PITPNC1: variants seen among roughly 807,000 people sequenced by gnomAD.
PITPNC1 encodes phosphatidylinositol transfer protein cytoplasmic 1, also known as cytoplasmic phosphatidylinositol transfer protein 1.
In PITPNC1, 18 loss-of-function variants were observed where a neutral mutation model predicts 44.7. That is an observed-to-expected ratio of 0.40 (90% CI 0.28 to 0.60). The LOEUF (loss-of-function observed/expected upper bound fraction) is 0.60, where lower values mean the gene tolerates loss of function less well. Ranked by LOEUF, PITPNC1 falls within the 20% of genes least tolerant of loss-of-function variation. The probability of loss-of-function intolerance (pLI) is 0.39; values close to 1 mark genes in which losing one functional copy is unlikely to be tolerated. For synonymous variants in PITPNC1, 141 were observed against 149.6 expected, an observed-to-expected ratio of 0.94 and a Z score of 0.42; for missense variants, 290 against 418.4, an observed-to-expected ratio of 0.69 and a Z score of 2.68.
intron 6 of PITPNC1, among the ~76,000 whole-genome samples, chr17:67,642,637 T>G (rs2144352587): frequency 6.6e-6 from 1 of 152,282 alleles, no homozygotes; most frequent in East Asian, 1.9e-4. Context: ...GTGTTCTTTT[T>G]CAGACCTCAT....
intron 6 of PITPNC1, among the ~76,000 whole-genome samples, chr17:67,664,940 C>T (rs2042401420): frequency 1.3e-5 from 2 of 151,044 alleles, no homozygotes; most frequent in Admixed American, 6.6e-5. Flanking sequence ...GACTTTGTTT[C>T]TTTGTATGCC....
At chr17:67,381,125 A>T in intron 1 of PITPNC1, among the ~76,000 whole-genome samples, 1 of 152,004 alleles carries the variant, frequency 6.6e-6, no homozygotes, top group South Asian at 2.1e-4. Flanking sequence ...CAGGAGATCG[A>T]GACCATCCTG....
intron 1 of PITPNC1, among the ~76,000 whole-genome samples, chr17:67,389,827 G>A (rs1372271416): frequency 1.3e-5 from 2 of 151,918 alleles, no homozygotes; most frequent in East Asian, 1.9e-4. Flanking sequence ...CTACAGGCAC[G>A]TGCCACCACG....
chr17:67,529,365 G>A (rs1012411035), intron 1 of PITPNC1, among the ~76,000 whole-genome samples: 2 of 152,160 alleles, frequency 1.3e-5, no homozygotes, highest in African/African-American at 4.8e-5. Context: ...GGTGGAAATA[G>A]CTCTTCTGCC....
chr17:67,627,069 G>A (rs1009469897), intron 5 of PITPNC1, among the ~76,000 whole-genome samples: 2 of 127,494 alleles, frequency 1.6e-5, no homozygotes, highest in Admixed American at 1.7e-4. Flanking sequence ...GGCCAATATG[G>A]TGGTAAAACC....
At chr17:67,639,177 C>G (rs2042066816) in intron 6 of PITPNC1, among the ~76,000 whole-genome samples, 1 of 152,016 alleles carries the variant, frequency 6.6e-6, no homozygotes, top group South Asian at 2.1e-4. Context: ...TTATCCAGCT[C>G]CAAAATGTCA....
chr17:67,446,305 C>T (rs1050644001), intron 1 of PITPNC1, among the ~76,000 whole-genome samples: 2 of 151,634 alleles, frequency 1.3e-5, no homozygotes, highest in African/African-American at 4.8e-5. Context: ...TAGTGTGCTC[C>T]GTATTGGTTT....
intron 1 of PITPNC1, among the ~76,000 whole-genome samples, chr17:67,434,119 T>C (rs576672879): frequency 1.3e-5 from 2 of 152,004 alleles, no homozygotes; most frequent in African/African-American, 4.8e-5. Flanking sequence ...GAGGCTTGAT[T>C]ATAGATGTTA....
At position 67,536,248 on chromosome 17, in the gene PITPNC1, A is replaced by G. The variant is rs564177255; in HGVS notation, c.197+3298A>G. On this transcript the variant is annotated intron_variant, in intron 2 of 8. Coordinates refer to ENST00000581322, the MANE Select transcript of PITPNC1 (RefSeq NM_012417.4). ...AATATTGTTTAGGAATTAGAAAAAA[A>G]TATTGATTAATTTTAGATTTTCTGT... 2.6e-5 allele frequency among the ~76,000 whole-genome samples: 4 copies of G among 152,328 alleles called. No individual in the cohort carries two copies. In the East Asian group the frequency reaches 5.8e-4, roughly 22 times the overall value.
chr17:67,556,083 C>T (rs961370693), intron 4 of PITPNC1, among the ~76,000 whole-genome samples: 10 of 152,294 alleles, frequency 6.6e-5, no homozygotes, highest in Non-Finnish European at 1.3e-4. Flanking sequence ...GTCCACTGGG[C>T]TGGATAAGCT....
chr17:67,538,426 C>T (rs555809353), intron 2 of PITPNC1, among the ~76,000 whole-genome samples: 31 of 152,154 alleles, frequency 2.0e-4, no homozygotes, highest in African/African-American at 6.5e-4. Flanking sequence ...CTGACGAAAC[C>T]GCATCTCCAC....
At chr17:67,396,097 T>C (rs1047118630) in intron 1 of PITPNC1, among the ~76,000 whole-genome samples, 1 of 152,244 alleles carries the variant, frequency 6.6e-6, no homozygotes, top group African/African-American at 2.4e-5. Context: ...GGGCATACTT[T>C]GAGATTTTTC....
Position 67,428,366 on chromosome 17 carries a change from C to G in PITPNC1, c.48+50164C>G, listed in dbSNP as rs549940558. On this transcript the variant is annotated intron_variant, in intron 1 of 8. Transcript: ENST00000581322. The stretch of plus-strand genomic sequence containing the variant: ...CCAACTTGGGCAACATAATGCCCAT[C>G]TTTTTAAAAAATAAAAAACAAAAAT... Among the ~76,000 whole-genome samples, 8 of 151,986 alleles carry G rather than the reference C, an allele frequency of 5.3e-5. No homozygotes were observed. The South Asian group carries it at 1.7e-3, about 32-fold the overall frequency.
At position 67,694,586 on chromosome 17, in the gene PITPNC1, A is replaced by T. The variant is rs1441957315; in HGVS notation, c.*1698A>T. 1 of 152,122 alleles carries T rather than the reference A, an allele frequency of 6.6e-6. No homozygotes were observed. The highest frequency in any genetic ancestry group is 1.5e-5 in the Non-Finnish European group (1 of 68,040). The allele number at this position is 152,122 out of a possible 1,614,324, so 9.4% of individuals were successfully genotyped here. ...CTAAGTCATAGGTCAGACTGTCAAGATCATTTCTTTATCTATAGGTTGATA... is the reference window on the plus strand; with the variant it reads ...CTAAGTCATAGGTCAGACTGTCAAGTTCATTTCTTTATCTATAGGTTGATA... On this transcript the variant is annotated 3_prime_UTR_variant, in exon 9 of 9. Transcript: ENST00000581322.
At chr17:67,564,021 TAGA>T (rs1026605804) in intron 4 of PITPNC1, among the ~76,000 whole-genome samples, 5 of 152,182 alleles carry the variant, frequency 3.3e-5, no homozygotes, top group East Asian at 3.9e-4. Flanking sequence ...AGTAGATAGA[TAGA>T]TGATAGATAT....
chr17:67,570,837 C>T (rs1316368624), intron 4 of PITPNC1, among the ~76,000 whole-genome samples: 1 of 151,210 alleles, frequency 6.6e-6, no homozygotes, highest in Admixed American at 6.6e-5. Flanking sequence ...TAGGTGCCTG[C>T]TGCTGCATCT....
intron 1 of PITPNC1, among the ~76,000 whole-genome samples, chr17:67,478,020 C>T (rs1000494236): frequency 1.3e-5 from 2 of 152,162 alleles, no homozygotes; most frequent in Non-Finnish European, 2.9e-5. Flanking sequence ...TTGTTTGGTT[C>T]GGCCCCTAAG....
intron 1 of PITPNC1, among the ~76,000 whole-genome samples, chr17:67,528,410 G>C (rs756942316): frequency 3.3e-5 from 5 of 152,182 alleles, no homozygotes; most frequent in Non-Finnish European, 7.3e-5. Context: ...TGCACTAATG[G>C]GCAATCAATA....
chr17:67,634,597 T>C (rs559991765), intron 6 of PITPNC1, among the ~76,000 whole-genome samples: 1 of 152,178 alleles, frequency 6.6e-6, no homozygotes, highest in East Asian at 1.9e-4. Flanking sequence ...ACTTCCAATC[T>C]AACAAATACC....
Sources: allele counts gnomAD v4.1 joint callset (sites outside exome capture counted in the v4.1 genomes callset), GRCh38; gene constraint gnomAD v4.1.1; transcripts MANE v1.5; gene names NCBI Gene and HGNC (gene_info 2026-07-23, HGNC 2026-07-21).